The following SCRT1 variants were observed in gnomAD, a reference collection of about 807,000 sequenced individuals.
SCRT1 encodes the protein scratch family transcriptional repressor 1, also known as transcriptional repressor scratch 1.
A neutral mutation model predicts 3.4 loss-of-function variants in SCRT1; 1 was observed. The observed-to-expected ratio is 0.29, with a 90% CI of 0.10 to 1.39. The LOEUF (loss-of-function observed/expected upper bound fraction) is 1.39, where lower values mean the gene tolerates loss of function less well. Ranked by LOEUF, SCRT1 falls within the 40% of genes most tolerant of loss-of-function variation. The pLI, the probability that SCRT1 is intolerant of heterozygous loss-of-function variation, is 0.42. For synonymous variants in SCRT1, 238 were observed against 247.0 expected, an observed-to-expected ratio of 0.96 and a Z score of 0.34; for missense variants, 380 against 526.3, an observed-to-expected ratio of 0.72 and a Z score of 2.72.
rs1289359096 is a variant in SCRT1, at chr8:144,333,476, C to A, written c.756G>T (p.Val252=). Residue 252 remains valine (V), a synonymous_variant, in exon 2 of 2, where the codon GTG becomes GTT. Transcript: ENST00000569446. The part of the protein sequence containing the change: ...LTHDLRHKCG[V]CGKAFSRPWL... ...AGGGCCGCGAGAAGGCTTTGCCGCA[C>A]ACGCCGCACTTGTGGCGCAGGTCGT... 6.2e-7 allele frequency: 1 copy of A among 1,603,522 alleles called. No individual in the cohort carries two copies. The highest frequency in any genetic ancestry group is 1.3e-5 in the African/African-American group (1 of 74,934).
intron 1 of SCRT1, among the ~76,000 whole-genome samples, 200 bp from the exon 2 acceptor site, chr8:144,334,316 G>A (rs1477599174): frequency 6.6e-6 from 1 of 152,024 alleles, no homozygotes; most frequent in Non-Finnish European, 1.5e-5. Context: ...GGGGAAGAGA[G>A]GGGAGGAGAG....
At chr8:144,334,244 G>A in intron 1 of SCRT1, 128 bp from the exon 2 acceptor site, 3 of 711,982 alleles carry the variant, frequency 4.2e-6, no homozygotes, top group Non-Finnish European at 6.8e-6. Flanking sequence ...GGCGAACAGG[G>A]AGGAGGACAA....
In SCRT1 at chr8:144,332,518, C is replaced by T. The variant is rs1435688437; in HGVS notation, c.*667G>A. On this transcript the variant is annotated 3_prime_UTR_variant, in exon 2 of 2. Transcript: ENST00000569446. ...GGAGGACAGAGCCCGGGAAGCTGGG[C>T]TGGAAGAATTCGGATTTGGCAGAGG... 1 of 152,772 alleles carries T rather than the reference C, an allele frequency of 6.5e-6. No homozygotes were observed. The highest frequency in any genetic ancestry group is 1.9e-4 in the East Asian group (1 of 5,166). The allele number at this position is 152,772 out of a possible 1,614,324, so 9.5% of individuals were successfully genotyped here. A position where few individuals can be genotyped will look rare whatever the true frequency, so the allele number is the denominator to read the frequency against.
Position 144,335,639 on chromosome 8 carries a change from A to T in SCRT1, c.115+416T>A, listed in dbSNP as rs1392965496. Among the ~76,000 whole-genome samples the T allele has an allele frequency of 6.6e-6, 1 of 152,004 alleles. No individual in the cohort carries two copies. The highest frequency in any genetic ancestry group is 1.5e-5 in the Non-Finnish European group (1 of 67,968). On this transcript the variant is annotated intron_variant, in intron 1 of 1. Transcript: ENST00000569446. The surrounding 1 kb of genome is among the most constrained non-coding windows in gnomAD (Gnocchi z 7.7). ...TGGAGCTCCCTGCATTCCCCAGCTA[A>T]CCCTAGCAGGTGTCCTGGTGCAGTC...
Position 144,336,250 on chromosome 8 carries a change from C to A in SCRT1, c.-81G>T. The A allele has an allele frequency of 1.9e-6, 2 of 1,060,694 alleles. No homozygotes were observed. The highest frequency in any genetic ancestry group is 2.7e-5 in the Admixed American group (1 of 36,468). The allele number at this position is 1,060,694 out of a possible 1,614,324, so 65.7% of individuals were successfully genotyped here. ...GCGGCGGCAGGGCCCCGTCACCATC[C>A]GAGGAGCGGCGGAGGCAGCGCGGGT... On this transcript the variant is annotated 5_prime_UTR_variant, in exon 1 of 2. Transcript: ENST00000569446. The surrounding 1 kb of genome is among the most constrained non-coding windows in gnomAD (Gnocchi z 6.8).
At position 144,335,964 on chromosome 8, in the gene SCRT1, C is replaced by T; in HGVS notation, c.115+91G>A. The T allele has an allele frequency of 1.1e-6, 1 of 876,240 alleles. No individual in the cohort carries two copies. The highest frequency in any genetic ancestry group is 1.7e-6 in the Non-Finnish European group (1 of 590,322). 54.3% of individuals were successfully genotyped at this position (876,240 alleles called of 1,614,324 possible). ...TTCTGGTTCCCTTCAGTCTGTTTCC[C>T]CGGGCCCTGCCCTCCGCCCCCACAC... On this transcript the variant is annotated intron_variant, in intron 1 of 1. Coordinates refer to ENST00000569446, the MANE Select transcript of SCRT1 (RefSeq NM_031309.6). This position sits in a 1 kb window ranked among gnomAD's most constrained non-coding sequence, Gnocchi z 7.7.
chr8:144,333,333 G>A lies in SCRT1; in HGVS notation c.899C>T (p.Ala300Val), dbSNP rs781884567. Residue 300 changes from alanine (A) to valine (V), a missense_variant, in exon 2 of 2, where the codon GCC (alanine) becomes GTC (valine). Physicochemically the swap from Ala to Val is moderately conservative, Grantham distance 64 (BLOSUM62 0). Around this residue, in one of 5 missense-constraint regions of SCRT1, gnomAD observed 67 missense variants for 64.7 expected, o/e 1.04. Transcript: ENST00000569446. ...GCGCTTGCACTGGAAGTGCTTGAAG[G>A]CCGAATGCGTCTGCATGTGCGCGCG... is the stretch of plus-strand genomic sequence containing the variant. The part of the protein sequence containing the change: ...NLRAHMQTHS[A>V]FKHFQCKRCK... 36 of 1,612,564 alleles carry A rather than the reference G, an allele frequency of 2.2e-5. No individual in the cohort carries two copies. Among genetic ancestry groups the A allele is most frequent in the African/African-American group, 2.7e-5 (2 of 74,926 alleles).
chr8:144,333,784 C>T lies in SCRT1; in HGVS notation c.448G>A (p.Gly150Arg), dbSNP rs1383552483. 1.2e-5 allele frequency: 14 copies of T among 1,206,370 alleles called. No individual in the cohort carries two copies. Among genetic ancestry groups the T allele is most frequent in the Non-Finnish European group, 6.2e-6 (6 of 972,316 alleles). 74.7% of individuals were successfully genotyped at this position (1,206,370 alleles called of 1,614,324 possible). The change falls in exon 2 of 2, where the codon GGA becomes AGA. Residue 150 changes from glycine to arginine, a missense_variant. Gly to Arg is a moderately radical substitution (Grantham distance 125). Transcript: ENST00000569446. Reference sequence around the variant, plus strand: ...CGCCCGCCCGCCCCGCCCCCGCCTCCGGCGTCGCCGTCGGGGGCCGCCGCC... The same window carrying T: ...CGCCCGCCCGCCCCGCCCCCGCCTCTGGCGTCGCCGTCGGGGGCCGCCGCC... The part of the protein sequence containing the change: ...ASAAAPDGDA[G>R]GGGGAGGRSL...
Position 144,336,458 on chromosome 8 carries a change from TG to T in SCRT1, c.-290del, listed in dbSNP as rs1197602076. 2.2e-4 allele frequency among the ~76,000 whole-genome samples: 33 copies of T among 151,914 alleles called. No individual in the cohort carries two copies. The highest frequency in any genetic ancestry group is 7.7e-4 in the African/African-American group (32 of 41,484). ...TCTCCTCTTCCTTCCTTCCCTCCTCTGGTCCCGGCTTCCCAGCCCGCAGTGC... is the reference window on the plus strand; with the variant it reads ...TCTCCTCTTCCTTCCTTCCCTCCTCTGTCCCGGCTTCCCAGCCCGCAGTGC... On this transcript the variant is annotated 5_prime_UTR_variant, in exon 1 of 2. Transcript: ENST00000569446. The surrounding 1 kb of genome is among the most constrained non-coding windows in gnomAD (Gnocchi z 6.8).
In SCRT1 at chr8:144,331,697, G is replaced by A. The variant is rs1817757661; in HGVS notation, c.*1488C>T. The A allele has an allele frequency of 6.6e-6, 1 of 152,324 alleles. No homozygotes were observed. The highest frequency in any genetic ancestry group is 2.4e-5 in the African/African-American group (1 of 41,460). The allele number at this position is 152,324 out of a possible 1,614,324, so 9.4% of individuals were successfully genotyped here. ...ATTACAGCCGCCGGGCTCTGCCGTG[G>A]GGGTCGGGGAGGGGTGGGGAGAAAG... On this transcript the variant is annotated 3_prime_UTR_variant, in exon 2 of 2. Coordinates refer to ENST00000569446, the MANE Select transcript of SCRT1 (RefSeq NM_031309.6).
rs1206871381 is a variant in SCRT1, at chr8:144,331,790, A to AC, written c.*1394dup. 6.6e-6 allele frequency: 1 copy of AC among 152,478 alleles called. No homozygotes were observed. Among genetic ancestry groups the AC allele is most frequent in the Non-Finnish European group, 1.5e-5 (1 of 68,046 alleles). 9.4% of individuals were successfully genotyped at this position (152,478 alleles called of 1,614,324 possible). ...TATGGGGTGGGTAGGGCGAGGGGAT[A>AC]CCTGATTCTCAGTAACTCTAGAGGC... On this transcript the variant is annotated 3_prime_UTR_variant, in exon 2 of 2. Coordinates refer to ENST00000569446, the MANE Select transcript of SCRT1 (RefSeq NM_031309.6).
In SCRT1 at chr8:144,331,781, C is replaced by T. The variant is rs1817762512; in HGVS notation, c.*1404G>A. ...CTAGGGGCCTATGGGGTGGGTAGGG[C>T]GAGGGGATACCTGATTCTCAGTAAC... On this transcript the variant is annotated 3_prime_UTR_variant, in exon 2 of 2. Transcript: ENST00000569446. 6.6e-6 allele frequency: 1 copy of T among 152,428 alleles called. No individual in the cohort carries two copies. Among genetic ancestry groups the T allele is most frequent in the Admixed American group, 6.5e-5 (1 of 15,270 alleles). The allele number at this position is 152,428 out of a possible 1,614,324, so 9.4% of individuals were successfully genotyped here.
At position 144,336,221 on chromosome 8, in the gene SCRT1, G is replaced by C. The variant is rs781996768; in HGVS notation, c.-52C>G. On this transcript the variant is annotated 5_prime_UTR_variant, in exon 1 of 2. Transcript: ENST00000569446. This position sits in a 1 kb window ranked among gnomAD's most constrained non-coding sequence, Gnocchi z 6.8. Reference sequence around the variant, plus strand: ...GGCCTGCGGAGCCGGGGCTTGGGGGGGCTGCGGCGGCAGGGCCCCGTCACC... The same window carrying C: ...GGCCTGCGGAGCCGGGGCTTGGGGGCGCTGCGGCGGCAGGGCCCCGTCACC... The C allele has an allele frequency of 8.1e-6, 11 of 1,349,852 alleles. No individual in the cohort carries two copies. Among genetic ancestry groups the C allele is most frequent in the Non-Finnish European group, 2.0e-6 (2 of 987,162 alleles). The allele number at this position is 1,349,852 out of a possible 1,614,324, so 83.6% of individuals were successfully genotyped here. A position where few individuals can be genotyped will look rare whatever the true frequency, so the allele number is the denominator to read the frequency against.
Position 144,335,642 on chromosome 8 carries a change from C to T in SCRT1, c.115+413G>A, listed in dbSNP as rs1296725779. ...AGCTCCCTGCATTCCCCAGCTAACC[C>T]TAGCAGGTGTCCTGGTGCAGTCAAG... is the stretch of plus-strand genomic sequence containing the variant. On this transcript the variant is annotated intron_variant, in intron 1 of 1. Coordinates refer to ENST00000569446, the MANE Select transcript of SCRT1 (RefSeq NM_031309.6). The surrounding 1 kb of genome is among the most constrained non-coding windows in gnomAD (Gnocchi z 7.7). Among the ~76,000 whole-genome samples, 1 of 152,172 alleles carries T rather than the reference C, an allele frequency of 6.6e-6. No individual in the cohort carries two copies. The highest frequency in any genetic ancestry group is 1.5e-5 in the Non-Finnish European group (1 of 68,028).
At position 144,334,085 on chromosome 8, in the gene SCRT1, G is replaced by T; in HGVS notation, c.147C>A (p.Ser49=). The T allele has an allele frequency of 6.5e-7, 1 of 1,537,572 alleles. No homozygotes were observed. The part of the protein sequence containing the change: ...GYLSDYVGPS[S]VYDGDAEAAL... ...CAGCCTCGGCGTCGCCATCGTAGACGGACGAGGGCCCCACGTAGTCGCTGA... is the reference window on the plus strand; with the variant it reads ...CAGCCTCGGCGTCGCCATCGTAGACTGACGAGGGCCCCACGTAGTCGCTGA... Residue 49 remains serine, a synonymous_variant, in exon 2 of 2, where the codon TCC becomes TCA. Coordinates refer to ENST00000569446, the MANE Select transcript of SCRT1 (RefSeq NM_031309.6).
chr8:144,334,162 G>A (rs1554850094), intron 1 of SCRT1, 46 bp from the exon 2 acceptor site: 11 of 432,520 alleles, frequency 2.5e-5, no homozygotes, highest in South Asian at 2.0e-4. Flanking sequence ...TGGGGCGGCG[G>A]CAGGACACAC....
rs782187417 is a variant in SCRT1, at chr8:144,333,396, G to C, written c.836C>G (p.Ala279Gly). 2.9e-5 allele frequency: 46 copies of C among 1,607,072 alleles called. No homozygotes were observed. The highest frequency in any genetic ancestry group is 3.7e-5 in the Non-Finnish European group (44 of 1,178,094). The change falls in exon 2 of 2, where the codon GCG becomes GGG. Residue 279 changes from alanine to glycine, a missense_variant. This residue lies in a region of SCRT1 where 56 missense variants were observed against 169.3 expected (regional missense o/e 0.33). Transcript: ENST00000569446. ...SHTGEKPFGCAHCGKAFADRS... is the reference protein window; with the variant it reads ...SHTGEKPFGCGHCGKAFADRS... ...GTCGGCGAAGGCCTTGCCGCAGTGC[G>C]CGCAGCCGAAGGGTTTCTCGCCGGT...
intron 1 of SCRT1, among the ~76,000 whole-genome samples, chr8:144,334,747 C>T (rs1817861053): frequency 6.6e-6 from 1 of 152,120 alleles, no homozygotes; most frequent in Non-Finnish European, 1.5e-5. Flanking sequence ...GCACCTCCCT[C>T]AGCTCTCCGG....
At chr8:144,334,277 C>T (rs993462365) in intron 1 of SCRT1, among the ~76,000 whole-genome samples, 161 bp from the exon 2 acceptor site, 5 of 151,962 alleles carry the variant, frequency 3.3e-5, no homozygotes, top group African/African-American at 1.2e-4. Flanking sequence ...CGAGGGACCG[C>T]CGGGCAGGGA....
Sources: allele counts gnomAD v4.1 joint callset (sites outside exome capture counted in the v4.1 genomes callset), GRCh38; gene constraint gnomAD v4.1.1; regional missense constraint gnomAD v4.1.1; non-coding constraint Gnocchi (gnomAD v3.1); transcripts MANE v1.5; gene names NCBI Gene and HGNC (gene_info 2026-07-23, HGNC 2026-07-21).